CIB1: variants seen among roughly 807,000 people sequenced by gnomAD.
The protein encoded by CIB1 is calcium and integrin-binding protein 1.
A neutral mutation model predicts 25.0 loss-of-function variants in CIB1; 19 were observed. The observed-to-expected ratio is 0.76, with a 90% CI of 0.53 to 1.12. The LOEUF (loss-of-function observed/expected upper bound fraction) is 1.12. Among genes scored for constraint, CIB1 ranks in the 50% most tolerant of loss-of-function variants. CIB1 has a pLI of 0.00. For missense variants in CIB1, 236 were observed against 242.6 expected (o/e 0.97, Z 0.18); for synonymous variants, 104 against 98.5 (o/e 1.06, Z -0.33).
chr15:90,237,110 T>A (rs560486369), upstream of CIB1, among the ~76,000 whole-genome samples: 22 of 151,076 alleles, frequency 1.5e-4, no homozygotes, highest in Non-Finnish European at 2.7e-4. Context: ...AGACGCCCAC[T>A]ACCACACCTG....
At chr15:90,245,472 CAAAAAAA>C in the CIB1 span, 2 of 122,772 alleles carry the variant, frequency 1.6e-5, no homozygotes, top group African/African-American at 5.8e-5. Context: ...GACTTTGTCT[CAAAAAAA>C]AAAAAAAAGA....
At chr15:90,249,126 G>T in the CIB1 span, among the ~76,000 whole-genome samples, 2 of 149,246 alleles carry the variant, frequency 1.3e-5, no homozygotes, top group African/African-American at 5.0e-5. Context: ...CAGGAGGATT[G>T]CTTGAGCCCA....
At chr15:90,263,589 G>C in the CIB1 span, 1 of 576,368 alleles carries the variant, frequency 1.7e-6, no homozygotes, top group Non-Finnish European at 3.1e-6. Context: ...TAGCAAACCT[G>C]TTGGGTCTTC....
At chr15:90,255,815 C>T in the CIB1 span, 30 of 1,614,086 alleles carry the variant, frequency 1.9e-5, no homozygotes, top group Non-Finnish European at 2.5e-5. Context: ...GGCTCGGAAC[C>T]TCAACCGCAT....
the CIB1 span, chr15:90,249,510 G>A: frequency 6.7e-6 from 1 of 149,492 alleles, no homozygotes; most frequent in Non-Finnish European, 1.5e-5. Context: ...TCTCCAATGG[G>A]AACTGCCCTC....
the CIB1 span, among the ~76,000 whole-genome samples, chr15:90,251,182 C>T: frequency 1.5e-5 from 2 of 134,494 alleles, no homozygotes; most frequent in African/African-American, 5.6e-5. Context: ...GGCGTGATCT[C>T]GGCTCACGGC....
the CIB1 span, among the ~76,000 whole-genome samples, chr15:90,257,463 G>A: frequency 4.6e-5 from 7 of 151,942 alleles, no homozygotes; most frequent in Admixed American, 6.6e-5. Flanking sequence ...GTCAGCACCC[G>A]GAGGAGCCCA....
At chr15:90,239,247 T>G in the CIB1 span, among the ~76,000 whole-genome samples, 2 of 151,932 alleles carry the variant, frequency 1.3e-5, no homozygotes, top group Non-Finnish European at 2.9e-5. Context: ...TTAAAAAAAT[T>G]TACTCGATAT....
chr15:90,250,149 G>C, the CIB1 span, among the ~76,000 whole-genome samples: 1 of 151,866 alleles, frequency 6.6e-6, no homozygotes, highest in Non-Finnish European at 1.5e-5. Context: ...AGGAGAGACG[G>C]GATTTCACCG....
the CIB1 span, chr15:90,242,402 G>A: frequency 6.0e-6 from 1 of 166,800 alleles, no homozygotes; most frequent in Non-Finnish European, 1.3e-5. Flanking sequence ...TGAGATGACA[G>A]GAGTGAGCCC....
At chr15:90,256,205 A>G in the CIB1 span, 8 of 1,614,192 alleles carry the variant, frequency 5.0e-6, no homozygotes, top group Non-Finnish European at 5.9e-6. Context: ...CAAGCCAGAC[A>G]GTGGCTGTCA....
At chr15:90,241,316 C>T in the CIB1 span, 1 of 1,614,236 alleles carries the variant, frequency 6.2e-7, no homozygotes, top group Non-Finnish European at 8.5e-7. Flanking sequence ...AAGTCCTCTT[C>T]CGTTTGCACC....
At chr15:90,231,914 C>A (rs1017871898) in intron 3 of CIB1, among the ~76,000 whole-genome samples, 21 of 152,222 alleles carry the variant, frequency 1.4e-4, no homozygotes, top group Non-Finnish European at 2.8e-4. Context: ...TACGGAGTGG[C>A]AATCAGCCTC....
chr15:90,247,797 G>A, the CIB1 span, among the ~76,000 whole-genome samples: 1 of 149,856 alleles, frequency 6.7e-6, no homozygotes, highest in Admixed American at 6.6e-5. Flanking sequence ...GTGCAGTGGC[G>A]CGATCTCCGT....
the CIB1 span, chr15:90,258,604 C>T: frequency 1.4e-6 from 1 of 729,552 alleles, no homozygotes; most frequent in East Asian, 2.6e-5. Flanking sequence ...GTTTTGTGGC[C>T]TTGGAAGCCA....
chr15:90,263,629 G>C, the CIB1 span: 4 of 597,996 alleles, frequency 6.7e-6, no homozygotes, highest in Non-Finnish European at 1.2e-5. Context: ...AGGAGTATCT[G>C]GTTAAATAGT....
chr15:90,248,641 G>A, the CIB1 span, among the ~76,000 whole-genome samples: 1 of 141,158 alleles, frequency 7.1e-6, no homozygotes, highest in Admixed American at 7.9e-5. Flanking sequence ...CTTGAGCCTG[G>A]GAAGCTAAGT....
the CIB1 span, among the ~76,000 whole-genome samples, chr15:90,255,269 A>T: frequency 4.7e-3 from 710 of 152,344 alleles, 1 homozygote; most frequent in Non-Finnish European, 6.9e-3. Context: ...AGGACAGAGC[A>T]GCCAGGGGTT....
At chr15:90,250,374 T>A in the CIB1 span, among the ~76,000 whole-genome samples, 1 of 152,202 alleles carries the variant, frequency 6.6e-6, no homozygotes, top group Non-Finnish European at 1.5e-5. Flanking sequence ...TATGATCCAG[T>A]GTGAACCTGG....
Sources: gnomAD v4.1 joint callset for allele counts (sites outside exome capture counted in the v4.1 genomes callset) on GRCh38, gnomAD v4.1.1 for gene constraint, MANE v1.5 for transcripts, NCBI Gene and HGNC (gene_info 2026-07-23, HGNC 2026-07-21) for gene names.